LIMCH1: variants seen among roughly 807,000 people sequenced by gnomAD.
LIMCH1 encodes the protein LIM and calponin homology domains 1.
In LIMCH1, 113 loss-of-function variants were observed where a neutral mutation model predicts 176.5. The ratio of observed to expected loss-of-function variants is 0.64; its 90% confidence interval spans 0.55 to 0.75. LIMCH1 has a LOEUF of 0.75. LIMCH1 is among the 30% of genes least tolerant of loss of function. LIMCH1 has a pLI of 0.00. For synonymous variants in LIMCH1, 619 were observed against 645.9 expected (o/e 0.96, Z 0.63); for missense variants, 1,674 against 1,814.9 (o/e 0.92, Z 1.41).
chr4:41,365,511 A>C (rs2052831698), intron 1 of LIMCH1, among the ~76,000 whole-genome samples: 2 of 152,256 alleles, frequency 1.3e-5, no homozygotes, highest in Non-Finnish European at 2.9e-5. Flanking sequence ...CATAAGTTAT[A>C]CATGTAGTCA....
At chr4:41,419,912 AG>A (rs1394572729) in intron 1 of LIMCH1, among the ~76,000 whole-genome samples, 2 of 151,998 alleles carry the variant, frequency 1.3e-5, no homozygotes, top group African/African-American at 4.8e-5. Flanking sequence ...CAGATGGAAA[AG>A]TTTCCTTGCC....
intron 7 of LIMCH1, among the ~76,000 whole-genome samples, chr4:41,622,213 A>G (rs1276416976): frequency 1.3e-5 from 2 of 152,150 alleles, no homozygotes; most frequent in African/African-American, 2.4e-5. Context: ...TTTTTTCTGC[A>G]TCCCTTGAGC....
chr4:41,415,485 T>C (rs2154126310), intron 1 of LIMCH1, among the ~76,000 whole-genome samples: 1 of 152,124 alleles, frequency 6.6e-6, no homozygotes, highest in South Asian at 2.1e-4. Flanking sequence ...ATCTAAATTA[T>C]TTGAGGTTTT....
At position 41,643,759 on chromosome 4, in the gene LIMCH1, T is replaced by C. The variant is rs533028754; in HGVS notation, c.2127-741T>C. On this transcript the variant is annotated intron_variant, in intron 14 of 31. Coordinates refer to ENST00000503057, the MANE Select transcript of LIMCH1 (RefSeq NM_001330672.2). ...ATTAGAATACAAAATATATACCTAA[T>C]TTATGTGTTTTACTCCTTACTCTTG... Among the ~76,000 whole-genome samples, 13 of 152,370 alleles carry C rather than the reference T, an allele frequency of 8.5e-5. 1 individual carries two copies. The highest frequency in any genetic ancestry group is 2.9e-4 in the African/African-American group (12 of 41,584).
intron 1 of LIMCH1, among the ~76,000 whole-genome samples, chr4:41,544,889 A>G (rs2079154448): frequency 6.6e-6 from 1 of 152,184 alleles, no homozygotes; most frequent in Non-Finnish European, 1.5e-5. Flanking sequence ...CAACTTGCCT[A>G]AGTTACCTCT....
At chr4:41,434,968 A>C (rs760206641) in intron 1 of LIMCH1, among the ~76,000 whole-genome samples, 1 of 152,232 alleles carries the variant, frequency 6.6e-6, no homozygotes, top group Non-Finnish European at 1.5e-5. Flanking sequence ...TAGTCTGAAT[A>C]AAGTCTTCCT....
chr4:41,651,828 CAAAA>C (rs2152949304), intron 18 of LIMCH1, among the ~76,000 whole-genome samples: 1 of 152,320 alleles, frequency 6.6e-6, no homozygotes, highest in Admixed American at 6.5e-5. Flanking sequence ...AAAGTGAACT[CAAAA>C]TAACATGATA....
intron 1 of LIMCH1, among the ~76,000 whole-genome samples, chr4:41,384,091 C>G (rs567902361): frequency 4.5e-4 from 69 of 152,238 alleles, no homozygotes; most frequent in Admixed American, 1.1e-3. Context: ...TGTTAGAGAT[C>G]TAGGCTGGAG....
At chr4:41,631,515 G>C (rs1585085686) in intron 10 of LIMCH1, 38 bp downstream of exon 10, 1 of 1,434,908 alleles carries the variant, frequency 7.0e-7, no homozygotes, top group East Asian at 2.5e-5. Flanking sequence ...TATCTGCATG[G>C]GAGTCACTGC....
intron 1 of LIMCH1, among the ~76,000 whole-genome samples, chr4:41,473,821 A>G (rs1036145910): frequency 1.3e-5 from 2 of 152,234 alleles, no homozygotes; most frequent in African/African-American, 4.8e-5. Flanking sequence ...TAAGGGGCCA[A>G]TGTCCAAAAT....
Position 41,684,430 on chromosome 4 carries a change from C to T in LIMCH1, c.3879C>T (p.Asn1293=), listed in dbSNP as rs749419708. 3 of 1,613,542 alleles carry T rather than the reference C, an allele frequency of 1.9e-6. No homozygotes were observed. The African/African-American group carries it at 4.0e-5, about 22-fold the overall frequency. The stretch of plus-strand genomic sequence containing the variant: ...AAGGGGCCTTGGCTCATTCTGGGAA[C>T]CCTGTATCAAAAGGAGTCCATGAAG... ...LTEGALAHSG[N]PVSKGVHEDH... The change falls in exon 27 of 32, where the codon AAC becomes AAT. Residue 1293 remains asparagine (N), a synonymous_variant. Coordinates refer to ENST00000503057, the MANE Select transcript of LIMCH1 (RefSeq NM_001330672.2).
At chr4:41,696,718 A>G (rs1730949825) in intron 31 of LIMCH1, among the ~76,000 whole-genome samples, 1 of 152,208 alleles carries the variant, frequency 6.6e-6, no homozygotes, top group African/African-American at 2.4e-5. Flanking sequence ...TAGCAATCTA[A>G]TTTCTAGATC....
chr4:41,682,672 C>CTTTTTTTTTTTTTT (rs1479823691), intron 26 of LIMCH1, among the ~76,000 whole-genome samples: 2 of 139,932 alleles, frequency 1.4e-5, no homozygotes, highest in Non-Finnish European at 1.6e-5. Context: ...TTTTTTTCTT[C>CTTTTTTTTTTTTTT]TTCTTCTTTT....
At chr4:41,629,926 C>T (rs2093221769) in intron 9 of LIMCH1, among the ~76,000 whole-genome samples, 192 bp downstream of exon 9, 1 of 151,932 alleles carries the variant, frequency 6.6e-6, no homozygotes, top group Non-Finnish European at 1.5e-5. Context: ...CTCCCTCAGC[C>T]TCTTGAATAG....
chr4:41,634,073 T>C (rs4861121), intron 13 of LIMCH1, among the ~76,000 whole-genome samples: 3,145 of 152,366 alleles, frequency 0.021, 37 homozygotes, highest in Middle Eastern at 0.068. Flanking sequence ...TCTTTCTAGC[T>C]CACATAGGAG....
At chr4:41,572,884 A>T (rs1429802405) in intron 1 of LIMCH1, among the ~76,000 whole-genome samples, 1 of 152,232 alleles carries the variant, frequency 6.6e-6, no homozygotes, top group African/African-American at 2.4e-5. Flanking sequence ...CCCAAAGGCT[A>T]CTGCTATTCA....
intron 22 of LIMCH1, among the ~76,000 whole-genome samples, chr4:41,676,127 G>A (rs1008315687): frequency 1.3e-5 from 2 of 152,250 alleles, no homozygotes; most frequent in East Asian, 3.8e-4. Context: ...TCCAATGCCA[G>A]TGGCTAATTA....
At chr4:41,501,901 A>C (rs1554075262) in intron 2 of LIMCH1, among the ~76,000 whole-genome samples, 1 of 85,190 alleles carries the variant, frequency 1.2e-5, no homozygotes, top group African/African-American at 4.8e-5. Flanking sequence ...AAAACCTTCA[A>C]TTTTTATTTT....
At chr4:41,532,708 G>A (rs374429626) in intron 3 of LIMCH1, among the ~76,000 whole-genome samples, 11 of 152,256 alleles carry the variant, frequency 7.2e-5, no homozygotes, top group East Asian at 1.9e-4. Context: ...GTCCCCTTGC[G>A]CATCTTTTGT....
Sources: allele counts gnomAD v4.1 joint callset (sites outside exome capture counted in the v4.1 genomes callset), GRCh38; gene constraint gnomAD v4.1.1; transcripts MANE v1.5; gene names NCBI Gene and HGNC (gene_info 2026-07-23, HGNC 2026-07-21).